Variants in PEPD observed in about 807,000 individuals in gnomAD.
PEPD encodes xaa-Pro dipeptidase.
A neutral mutation model predicts 60.7 loss-of-function variants in PEPD; 53 were observed. That is an observed-to-expected ratio of 0.87 (90% CI 0.70 to 1.10). The LOEUF is 1.10. PEPD is among the 50% of genes least tolerant of loss of function. The pLI, the probability that PEPD is intolerant of heterozygous loss-of-function variation, is 0.00. For synonymous variants in PEPD, 267 were observed against 284.1 expected, an observed-to-expected ratio of 0.94 and a Z score of 0.60; for missense variants, 711 against 711.9, an observed-to-expected ratio of 1.00 and a Z score of 0.01.
chr19:33,454,064 G>T (rs1272443701), intron 9 of PEPD, among the ~76,000 whole-genome samples: 3 of 152,090 alleles, frequency 2.0e-5, no homozygotes, highest in African/African-American at 7.2e-5. Context: ...CCAATAAAAG[G>T]AACCGGGCTC....
intron 11 of PEPD, among the ~76,000 whole-genome samples, chr19:33,406,326 G>A (rs1449454387): frequency 6.6e-5 from 10 of 152,254 alleles, no homozygotes; most frequent in Non-Finnish European, 1.2e-4. Flanking sequence ...AACCGAAAAC[G>A]CGTGGGCAGG....
intron 12 of PEPD, among the ~76,000 whole-genome samples, chr19:33,391,977 C>A (rs768750936): frequency 2.0e-5 from 3 of 152,224 alleles, no homozygotes; most frequent in Non-Finnish European, 4.4e-5. Context: ...AGTGGGGAAG[C>A]CCGAGGCTGA....
intron 9 of PEPD, among the ~76,000 whole-genome samples, chr19:33,426,991 C>T (rs1042807936): frequency 3.9e-5 from 6 of 152,224 alleles, no homozygotes; most frequent in South Asian, 2.1e-4. Flanking sequence ...TTTATGGCAG[C>T]GAACCGGCTG....
intron 11 of PEPD, 105 bp from the exon 12 acceptor site, chr19:33,401,974 C>T (rs1007877806): frequency 1.4e-5 from 14 of 1,007,838 alleles, no homozygotes; most frequent in Non-Finnish European, 2.1e-5. Context: ...GGCCCGGGTC[C>T]TGGATGCAAC....
chr19:33,417,725 T>C (rs1968919097), intron 9 of PEPD, among the ~76,000 whole-genome samples: 1 of 152,132 alleles, frequency 6.6e-6, no homozygotes, highest in African/African-American at 2.4e-5. Flanking sequence ...GGCTGGAGAA[T>C]GGGGATCCCT....
intron 9 of PEPD, among the ~76,000 whole-genome samples, chr19:33,436,950 AGG>A: frequency 6.6e-6 from 1 of 152,224 alleles, no homozygotes; most frequent in African/African-American, 2.4e-5. Context: ...AAGTCCGATG[AGG>A]CAGAAGCCAC....
At position 33,500,839 on chromosome 19, in the gene PEPD, G is replaced by A. The variant is rs561823696; in HGVS notation, c.393+99C>T. ...CTGGTGGCCAGGTGGTAGTGTCCCTGACATCCAGCAAGGTTGTGGCAGTGG... is the reference window on the plus strand; with the variant it reads ...CTGGTGGCCAGGTGGTAGTGTCCCTAACATCCAGCAAGGTTGTGGCAGTGG... On this transcript the variant is annotated intron_variant, in intron 4 of 14. Transcript: ENST00000244137. 7.1e-5 allele frequency: 57 copies of A among 798,292 alleles called. No individual in the cohort carries two copies. In the Admixed American group the frequency reaches 9.7e-4, roughly 14 times the overall value. The allele number at this position is 798,292 out of a possible 1,614,324, so 49.5% of individuals were successfully genotyped here.
At chr19:33,510,497 T>C (rs1476995866) in intron 3 of PEPD, among the ~76,000 whole-genome samples, 1 of 152,190 alleles carries the variant, frequency 6.6e-6, no homozygotes, top group African/African-American at 2.4e-5. Context: ...GTTATTCACA[T>C]AGCCCACTAA....
intron 11 of PEPD, among the ~76,000 whole-genome samples, chr19:33,408,379 TGCCAGGTG>T (rs1223808524): frequency 6.6e-6 from 1 of 152,238 alleles, no homozygotes; most frequent in East Asian, 1.9e-4. Context: ...GCCCACGCTG[TGCCAGGTG>T]GCCACTGCGA....
At chr19:33,392,944 G>A (rs1284640123) in intron 12 of PEPD, among the ~76,000 whole-genome samples, 2 of 152,324 alleles carry the variant, frequency 1.3e-5, no homozygotes, top group African/African-American at 2.4e-5. Context: ...CTGTGGTGCT[G>A]GGGTCTCAGG....
intron 11 of PEPD, among the ~76,000 whole-genome samples, chr19:33,402,655 C>T (rs1274115433): frequency 6.6e-6 from 1 of 152,204 alleles, no homozygotes; most frequent in African/African-American, 2.4e-5. Context: ...CCACATGTCC[C>T]CGAAGCCAGG....
intron 9 of PEPD, among the ~76,000 whole-genome samples, chr19:33,439,657 T>C (rs1461007760): frequency 6.6e-6 from 1 of 152,194 alleles, no homozygotes; most frequent in Non-Finnish European, 1.5e-5. Context: ...GGCTGAGGGA[T>C]GCCCACCACA....
intron 13 of PEPD, 93 bp downstream of exon 13, chr19:33,391,202 G>A (rs375818795): frequency 3.2e-5 from 33 of 1,015,616 alleles, no homozygotes; most frequent in African/African-American, 2.2e-4. Context: ...CCCAATACAC[G>A]CCTGCTGCCT....
intron 9 of PEPD, among the ~76,000 whole-genome samples, chr19:33,434,803 A>T (rs973946619): frequency 6.6e-6 from 1 of 151,994 alleles, no homozygotes; most frequent in African/African-American, 2.4e-5. Flanking sequence ...AGCCAGGTGG[A>T]GCAGCAGAAG....
In PEPD at chr19:33,501,051, A is replaced by G. The variant is rs1970702237; in HGVS notation, c.330-50T>C. 7 of 1,108,100 alleles carry G rather than the reference A, an allele frequency of 6.3e-6. No individual in the cohort carries two copies. The South Asian group carries it at 7.4e-5, about 12-fold the overall frequency. The allele number at this position is 1,108,100 out of a possible 1,614,324, so 68.6% of individuals were successfully genotyped here. On this transcript the variant is annotated intron_variant, in intron 3 of 14. Coordinates refer to ENST00000244137, the MANE Select transcript of PEPD (RefSeq NM_000285.4). ...CAGGGTCAGGGCTTGGTAATGGCTC[A>G]GCATGGCCACCTTCCTGCCTGCCAA... is the stretch of plus-strand genomic sequence containing the variant.
At chr19:33,505,812 C>T (rs1274545784) in intron 3 of PEPD, among the ~76,000 whole-genome samples, 1 of 133,528 alleles carries the variant, frequency 7.5e-6, no homozygotes, top group Non-Finnish European at 1.7e-5. Flanking sequence ...TCATCACAAA[C>T]ACCCTACACA....
At chr19:33,411,471 G>A (rs773754251) in intron 11 of PEPD, among the ~76,000 whole-genome samples, 17 of 152,194 alleles carry the variant, frequency 1.1e-4, no homozygotes, top group Non-Finnish European at 2.1e-4. Context: ...TGCTCCCTGG[G>A]GGGTGCAGGC....
chr19:33,387,504 CATTATCAT>C, intron 14 of PEPD, 23 bp from the exon 15 acceptor site: 1 of 1,612,780 alleles, frequency 6.2e-7, no homozygotes. Context: ...GACAGACACA[CATTATCAT>C]AGAGCAGCCT....
chr19:33,427,061 T>A (rs558241229), intron 9 of PEPD, among the ~76,000 whole-genome samples: 1 of 152,288 alleles, frequency 6.6e-6, no homozygotes, highest in Admixed American at 6.5e-5. Flanking sequence ...CACTCACGAC[T>A]CCAAACGTTA....
Sources: gnomAD v4.1 joint callset for allele counts (sites outside exome capture counted in the v4.1 genomes callset) on GRCh38, gnomAD v4.1.1 for gene constraint, MANE v1.5 for transcripts, NCBI Gene and HGNC (gene_info 2026-07-23, HGNC 2026-07-21) for gene names.